The following CSMD2 variants were observed in gnomAD, a reference collection of about 807,000 sequenced individuals.
The protein encoded by CSMD2 is CUB and Sushi multiple domains 2, also known as CUB and sushi domain-containing protein 2.
In CSMD2, 130 loss-of-function variants were observed where a neutral mutation model predicts 398.5. The ratio of observed to expected loss-of-function variants is 0.33; its 90% CI spans 0.28 to 0.38. The LOEUF is 0.38. Ranked by LOEUF, CSMD2 falls within the 10% of genes least tolerant of loss-of-function variation. The probability of loss-of-function intolerance (pLI) is 1.00; values close to 1 mark genes in which losing one functional copy is unlikely to be tolerated. For synonymous variants in CSMD2, 1,828 were observed against 1,908.5 expected (o/e 0.96, Z 1.10); for missense variants, 3,829 against 4,764.9 (o/e 0.80, Z 5.78).
chr1:33,859,315 T>G (rs1468549820), intron 5 of CSMD2, among the ~76,000 whole-genome samples: 2 of 152,036 alleles, frequency 1.3e-5, no homozygotes, highest in Non-Finnish European at 2.9e-5. Context: ...CCACCTGCAT[T>G]TCTTGGCTTG....
At chr1:33,555,519 C>T (rs1657874659) in intron 55 of CSMD2, among the ~76,000 whole-genome samples, 1 of 152,136 alleles carries the variant, frequency 6.6e-6, no homozygotes, top group Admixed American at 6.5e-5. Context: ...AGGTAAAATG[C>T]TATCAAACAG....
chr1:33,692,771 T>C (rs1645283732), intron 25 of CSMD2, among the ~76,000 whole-genome samples, 159 bp downstream of exon 25: 2 of 152,218 alleles, frequency 1.3e-5, no homozygotes, highest in South Asian at 4.1e-4. Context: ...CTGACCTTTC[T>C]AGATTTTCTA....
rs180801436 is a variant in CSMD2, at chr1:34,153,080, G to A, written c.187+11831C>T. On this transcript the variant is annotated intron_variant, in intron 1 of 70. Transcript: ENST00000373381. Reference sequence around the variant, plus strand: ...CACCCCAGGTGGAATGCAGTGGCGCGATCTCGGCTCACTGCAGCCTCCACC... The same window carrying A: ...CACCCCAGGTGGAATGCAGTGGCGCAATCTCGGCTCACTGCAGCCTCCACC... Among the ~76,000 whole-genome samples, 398 of 152,246 alleles carry A rather than the reference G, an allele frequency of 2.6e-3. 1 individual carries two copies. Among genetic ancestry groups the A allele is most frequent in the African/African-American group, 9.1e-3 (377 of 41,534 alleles).
intron 2 of CSMD2, among the ~76,000 whole-genome samples, chr1:34,063,306 T>TC (rs1224678055): frequency 6.6e-6 from 1 of 152,084 alleles, no homozygotes; most frequent in Admixed American, 6.5e-5. Context: ...AACACGAAAG[T>TC]CCACAGTCCA....
chr1:34,089,042 C>T lies in CSMD2; in HGVS notation c.339G>A (p.Leu113=). 6.2e-7 allele frequency: 1 copy of T among 1,614,158 alleles called. No homozygotes were observed. The highest frequency in any genetic ancestry group is 1.3e-5 in the African/African-American group (1 of 75,026). Residue 113 remains leucine, a synonymous_variant, in exon 2 of 71, where the codon CTG becomes CTA. Transcript: ENST00000373381. ...CCGACAGGACATCAAAGTCCTCTTC[C>T]AGGGCAAAGGACTGGAACACAAGCT... ...RIQLVFQSFA[L]EEDFDVLSVF...
intron 5 of CSMD2, chr1:33,864,379 T>G: frequency 6.2e-7 from 1 of 1,614,110 alleles, no homozygotes; most frequent in Non-Finnish European, 8.5e-7. Context: ...TATGAAGCCC[T>G]GGCCAAACTC....
At chr1:33,564,530 TA>T (rs1211896638) in intron 53 of CSMD2, among the ~76,000 whole-genome samples, 1 of 152,230 alleles carries the variant, frequency 6.6e-6, no homozygotes, top group Admixed American at 6.5e-5. Flanking sequence ...ATGTTTTATT[TA>T]GACACATCTG....
intron 42 of CSMD2, among the ~76,000 whole-genome samples, chr1:33,605,012 T>C (rs1570912270): frequency 6.6e-6 from 1 of 152,126 alleles, no homozygotes; most frequent in East Asian, 1.9e-4. Flanking sequence ...TCTGTCAGGG[T>C]GGATCTTCCC....
At chr1:33,586,763 C>T (rs1002676190) in intron 45 of CSMD2, 146 bp from the exon 46 acceptor site, 13 of 619,400 alleles carry the variant, frequency 2.1e-5, no homozygotes, top group Middle Eastern at 3.3e-4. Context: ...ATGGCCCAGA[C>T]GACTGCTCCC....
chr1:33,737,106 T>C (rs1646910779), intron 15 of CSMD2, among the ~76,000 whole-genome samples: 1 of 152,214 alleles, frequency 6.6e-6, no homozygotes. Context: ...CTTATTCCCC[T>C]GTTGCCAGTG....
At chr1:33,549,697 C>T in intron 56 of CSMD2, among the ~76,000 whole-genome samples, 1 of 151,908 alleles carries the variant, frequency 6.6e-6, no homozygotes, top group East Asian at 1.9e-4. Flanking sequence ...AGTTGAGGGG[C>T]AGTGATAAGA....
At chr1:34,008,525 C>A (rs1647134120) in intron 3 of CSMD2, among the ~76,000 whole-genome samples, 1 of 152,098 alleles carries the variant, frequency 6.6e-6, no homozygotes, top group African/African-American at 2.4e-5. Flanking sequence ...AGACTTGCGC[C>A]CATCTGAAGG....
chr1:34,147,935 G>A (rs1380022757), intron 1 of CSMD2, among the ~76,000 whole-genome samples: 2 of 152,166 alleles, frequency 1.3e-5, no homozygotes, highest in Non-Finnish European at 2.9e-5. Flanking sequence ...CCACAGAGAT[G>A]AGAATGGCCC....
Position 33,846,976 on chromosome 1 carries a change from G to A in CSMD2, c.941C>T (p.Pro314Leu), listed in dbSNP as rs972807929. 6 of 1,609,228 alleles carry A rather than the reference G, an allele frequency of 3.7e-6. No homozygotes were observed. The Admixed American group carries it at 8.4e-5, about 23-fold the overall frequency. ...SSLWFTGASL[P>L]APVISSKNWL... The stretch of plus-strand genomic sequence containing the variant: ...GTTCTTGCTGCTGATAACGGGGGCT[G>A]GGAGGCTGGCTCCGGTGAACCTGTG... Residue 314 changes from proline to leucine, a missense_variant, in exon 6 of 71, where the codon CCA becomes CTA. Physicochemically the swap from Pro to Leu is moderately conservative, Grantham distance 98 (BLOSUM62 -3). Coordinates refer to ENST00000373381, the MANE Select transcript of CSMD2 (RefSeq NM_001281956.2).
At chr1:34,057,433 G>C (rs1251066855) in intron 2 of CSMD2, among the ~76,000 whole-genome samples, 1 of 152,098 alleles carries the variant, frequency 6.6e-6, no homozygotes, top group African/African-American at 2.4e-5. Context: ...TTTAGAGTGG[G>C]AGGCTCCTGG....
At chr1:33,544,941 G>A (rs1393374463) in intron 57 of CSMD2, among the ~76,000 whole-genome samples, 1 of 151,526 alleles carries the variant, frequency 6.6e-6, no homozygotes, top group Admixed American at 6.6e-5. Context: ...CTCCAGCTCT[G>A]TACCCAATGC....
intron 6 of CSMD2, among the ~76,000 whole-genome samples, chr1:33,830,906 T>A (rs1659469469): frequency 6.6e-6 from 1 of 152,162 alleles, no homozygotes; most frequent in Non-Finnish European, 1.5e-5. Flanking sequence ...GAAGAAAGGG[T>A]ATCAGTGATG....
chr1:34,077,605 C>T (rs1204789785), intron 2 of CSMD2, among the ~76,000 whole-genome samples: 16 of 150,206 alleles, frequency 1.1e-4, no homozygotes, highest in African/African-American at 3.4e-4. Context: ...GGCGTGGTGG[C>T]GGGCGCCTGT....
intron 5 of CSMD2, among the ~76,000 whole-genome samples, chr1:33,916,886 T>C (rs998564559): frequency 5.9e-5 from 9 of 152,314 alleles, no homozygotes; most frequent in African/African-American, 1.9e-4. Flanking sequence ...CCTACCGCCA[T>C]GAAACCTGGC....
Sources: gnomAD v4.1 joint callset for allele counts (sites outside exome capture counted in the v4.1 genomes callset) on GRCh38, gnomAD v4.1.1 for gene constraint, MANE v1.5 for transcripts, NCBI Gene and HGNC (gene_info 2026-07-23, HGNC 2026-07-21) for gene names.